CEP41: variants seen among roughly 807,000 people sequenced by gnomAD.
CEP41 encodes centrosomal protein 41.
Under a neutral mutation model 44.3 loss-of-function variants are expected in CEP41, and 32 were observed. That is an observed-to-expected ratio of 0.72 (90% CI 0.54 to 0.97). The LOEUF (loss-of-function observed/expected upper bound fraction) is 0.97, where lower values mean the gene tolerates loss of function less well. Among genes scored for constraint, CEP41 ranks in the 50% least tolerant of loss-of-function variants. The pLI is 0.00. For missense variants in CEP41, 432 were observed against 455.2 expected (o/e 0.95, Z 0.46); for synonymous variants, 151 against 168.5 (o/e 0.90, Z 0.80).
chr7:130,425,151 G>A (rs1212592302), intron 2 of CEP41, among the ~76,000 whole-genome samples: 1 of 152,216 alleles, frequency 6.6e-6, no homozygotes, highest in Non-Finnish European at 1.5e-5. Context: ...AATGGGCTGG[G>A]TGCGGTGGCT....
Position 130,395,644 on chromosome 7 carries a change from C to G in CEP41, c.*3247G>C. 2.2e-6 allele frequency: 1 copy of G among 454,042 alleles called. No individual in the cohort carries two copies. The highest frequency in any genetic ancestry group is 4.4e-6 in the Non-Finnish European group (1 of 226,768). 28.1% of individuals were successfully genotyped at this position (454,042 alleles called of 1,614,324 possible). On this transcript the variant is annotated 3_prime_UTR_variant, in exon 11 of 11. Transcript: ENST00000223208. ...AGAAAAATTACCTACGTATTTCTTC[C>G]TAGCCTAGGACTCTGATTTCACTTA...
chr7:130,421,487 T>C, intron 2 of CEP41: 1 of 984,320 alleles, frequency 1.0e-6, no homozygotes, highest in Non-Finnish European at 1.2e-6. Context: ...ATATATTTCT[T>C]CCTTTGACGG....
intron 6 of CEP41, among the ~76,000 whole-genome samples, chr7:130,403,742 C>T (rs1381059591): frequency 5.3e-5 from 8 of 152,226 alleles, no homozygotes; most frequent in African/African-American, 1.9e-4. Context: ...TTTTGTTGAA[C>T]CAAAGGAGAA....
intron 1 of CEP41, among the ~76,000 whole-genome samples, chr7:130,432,541 C>T (rs1437301049): frequency 7.1e-6 from 1 of 140,280 alleles, no homozygotes; most frequent in Non-Finnish European, 1.5e-5. Flanking sequence ...CGCTTGAGCC[C>T]AGCAGTTCAA....
At position 130,398,814 on chromosome 7, in the gene CEP41, A is replaced by T. The variant is rs566419457; in HGVS notation, c.*77T>A. The T allele has an allele frequency of 3.7e-5, 57 of 1,556,078 alleles. No homozygotes were observed. In the South Asian group the frequency reaches 6.1e-4, roughly 17 times the overall value. On this transcript the variant is annotated 3_prime_UTR_variant, in exon 11 of 11. Transcript: ENST00000223208. ...GTCTTTCCTCTGCAGAAGTTTCTGG[A>T]AATGACCCAACTTGGGAAATGCTCA... is the stretch of plus-strand genomic sequence containing the variant.
rs1554417765 is a variant in CEP41 at position 130,404,567 on chromosome 7, TGAAGA to T, written c.414_418del (p.Leu139GlufsTer30). The T allele has an allele frequency of 6.2e-7, 1 of 1,613,166 alleles. No individual in the cohort carries two copies. Among genetic ancestry groups the T allele is most frequent in the Non-Finnish European group, 8.5e-7 (1 of 1,179,128 alleles). On this transcript the variant is annotated frameshift_variant, in exon 6 of 11. Transcript: ENST00000223208. LOFTEE classifies it high-confidence loss of function. ...AATATGAATCAGCTTCGAGTACCTCTGAAGAGTTGAGCGGCTGGAGTCCCCTGCTC... is the reference window on the plus strand; with the variant it reads ...AATATGAATCAGCTTCGAGTACCTCTGTTGAGCGGCTGGAGTCCCCTGCTC...
intron 5 of CEP41, among the ~76,000 whole-genome samples, chr7:130,405,403 A>C (rs926634051): frequency 1.3e-5 from 2 of 152,186 alleles, no homozygotes; most frequent in East Asian, 3.8e-4. Flanking sequence ...GAACTAAATA[A>C]GCCTGTTTGT....
rs1554415573 is a variant in CEP41, at chr7:130,398,048, T to C, written c.*843A>G. 6.6e-6 allele frequency: 3 copies of C among 454,164 alleles called. No homozygotes were observed. Among genetic ancestry groups the C allele is most frequent in the Non-Finnish European group, 1.3e-5 (3 of 226,784 alleles). 28.1% of individuals were successfully genotyped at this position (454,164 alleles called of 1,614,324 possible). A position where few individuals can be genotyped will look rare whatever the true frequency, so the allele number is the denominator to read the frequency against. The stretch of plus-strand genomic sequence containing the variant: ...TTCAACTGGCCATAATTTCTGTCCA[T>C]CTAACATGGATGGACTGAAGCTGGG... On this transcript the variant is annotated 3_prime_UTR_variant, in exon 11 of 11. Transcript: ENST00000223208.
chr7:130,410,809 T>C, intron 5 of CEP41: 2 of 409,360 alleles, frequency 4.9e-6, no homozygotes, highest in South Asian at 4.6e-5. Flanking sequence ...TTTGTTCACC[T>C]CTGCAGTCTC....
rs1796626476 is a variant in CEP41, at chr7:130,395,307, A to T, written c.*3584T>A. 1.3e-5 allele frequency: 6 copies of T among 454,014 alleles called. No individual in the cohort carries two copies. Among genetic ancestry groups the T allele is most frequent in the South Asian group, 9.3e-5 (6 of 64,482 alleles). The allele number at this position is 454,014 out of a possible 1,614,324, so 28.1% of individuals were successfully genotyped here. Reference sequence around the variant, plus strand: ...ATGGACCTGCATGTAAGTACTCAACATGCTCACATAATTAAACTGGTGAAT... The same window carrying T: ...ATGGACCTGCATGTAAGTACTCAACTTGCTCACATAATTAAACTGGTGAAT... On this transcript the variant is annotated 3_prime_UTR_variant, in exon 11 of 11. Coordinates refer to ENST00000223208, the MANE Select transcript of CEP41 (RefSeq NM_018718.3).
upstream of CEP41, chr7:130,441,135 C>T: frequency 1.3e-6 from 1 of 750,414 alleles, no homozygotes; most frequent in Non-Finnish European, 2.3e-6. Flanking sequence ...ATCTCAGGGT[C>T]GCAGAAGGGC....
chr7:130,396,581 A>G lies in CEP41; in HGVS notation c.*2310T>C. 1 of 454,584 alleles carries G rather than the reference A, an allele frequency of 2.2e-6. No individual in the cohort carries two copies. The highest frequency in any genetic ancestry group is 4.4e-6 in the Non-Finnish European group (1 of 226,792). The allele number at this position is 454,584 out of a possible 1,614,324, so 28.2% of individuals were successfully genotyped here. A position where few individuals can be genotyped will look rare whatever the true frequency, so the allele number is the denominator to read the frequency against. On this transcript the variant is annotated 3_prime_UTR_variant, in exon 11 of 11. Coordinates refer to ENST00000223208, the MANE Select transcript of CEP41 (RefSeq NM_018718.3). ...TTCAACATTCATAATTGCACAAAGC[A>G]TCACTGGTCATTTAAATAATACATG...
chr7:130,401,712 TA>T, intron 8 of CEP41, among the ~76,000 whole-genome samples, 168 bp downstream of exon 8: 1 of 152,166 alleles, frequency 6.6e-6, no homozygotes, highest in African/African-American at 2.4e-5. Flanking sequence ...AGCATCCGCC[TA>T]AAGAGTCAGG....
intron 10 of CEP41, chr7:130,399,376 G>A (rs1796772884): frequency 8.7e-6 from 3 of 346,350 alleles, no homozygotes; most frequent in Non-Finnish European, 1.6e-5. Flanking sequence ...AAGCAGTACG[G>A]TGAAACTAAG....
chr7:130,400,371 G>A, intron 9 of CEP41, 117 bp from the exon 10 acceptor site: 1 of 760,830 alleles, frequency 1.3e-6, no homozygotes, highest in Non-Finnish European at 2.4e-6. Context: ...CCAACACAAG[G>A]ACATGAAATC....
At chr7:130,437,014 G>T (rs186798959) in intron 1 of CEP41, among the ~76,000 whole-genome samples, 1 of 152,050 alleles carries the variant, frequency 6.6e-6, no homozygotes, top group African/African-American at 2.4e-5. Flanking sequence ...ACTCCAGCCT[G>T]GGCAACAGAG....
intron 1 of CEP41, among the ~76,000 whole-genome samples, chr7:130,436,865 C>T (rs918001683): frequency 6.6e-6 from 1 of 151,954 alleles, no homozygotes; most frequent in Non-Finnish European, 1.5e-5. Flanking sequence ...GGTAAAACCC[C>T]GTCTCTACTA....
rs782236692 is a variant in CEP41 at position 130,395,291 on chromosome 7, C to T, written c.*3600G>A. 3 of 453,822 alleles carry T rather than the reference C, an allele frequency of 6.6e-6. No individual in the cohort carries two copies. The highest frequency in any genetic ancestry group is 6.9e-4 in the Middle Eastern group (1 of 1,444). 28.1% of individuals were successfully genotyped at this position (453,822 alleles called of 1,614,324 possible). ...TGTTAGTGAAAAATTAATGGACCTG[C>T]ATGTAAGTACTCAACATGCTCACAT... On this transcript the variant is annotated 3_prime_UTR_variant, in exon 11 of 11. Transcript: ENST00000223208.
chr7:130,406,379 T>A (rs1290925243), intron 5 of CEP41, among the ~76,000 whole-genome samples: 3 of 151,808 alleles, frequency 2.0e-5, no homozygotes, highest in Non-Finnish European at 4.4e-5. Flanking sequence ...AGGTCAGGAG[T>A]TCGAGACCAG....
Sources: gnomAD v4.1 joint callset for allele counts (sites outside exome capture counted in the v4.1 genomes callset) on GRCh38, gnomAD v4.1.1 for gene constraint, MANE v1.5 for transcripts, NCBI Gene and HGNC (gene_info 2026-07-23, HGNC 2026-07-21) for gene names.